Variants in KCNMB4 observed in about 807,000 individuals in gnomAD.
KCNMB4 encodes the protein potassium calcium-activated channel subfamily M regulatory beta subunit 4.
In KCNMB4, 3 loss-of-function variants were observed where a neutral mutation model predicts 20.7. That is an observed-to-expected ratio of 0.14 (90% confidence interval 0.07 to 0.37). KCNMB4 has a LOEUF of 0.37. Among genes scored for constraint, KCNMB4 ranks in the 10% least tolerant of loss-of-function variants. KCNMB4 has a pLI of 1.00. For missense variants in KCNMB4, 168 were observed against 265.9 expected (o/e 0.63, Z 2.56); for synonymous variants, 110 against 113.4 (o/e 0.97, Z 0.19).
intron 1 of KCNMB4, among the ~76,000 whole-genome samples, chr12:70,373,363 G>T (rs1472673264): frequency 1.3e-5 from 2 of 152,192 alleles, no homozygotes; most frequent in African/African-American, 2.4e-5. Context: ...ACAGAGGCAG[G>T]TCAGAGTGAT....
chr12:70,414,029 C>T (rs992970767), intron 2 of KCNMB4, among the ~76,000 whole-genome samples: 2 of 152,024 alleles, frequency 1.3e-5, no homozygotes, highest in South Asian at 2.1e-4. Context: ...GTCAAGAGTT[C>T]GAGACCAGCC....
chr12:70,375,560 G>C (rs902545504), intron 1 of KCNMB4, among the ~76,000 whole-genome samples: 1 of 152,028 alleles, frequency 6.6e-6, no homozygotes, highest in Non-Finnish European at 1.5e-5. Flanking sequence ...CCTTGCTTGA[G>C]CTGAGGAGGT....
At chr12:70,418,343 T>A (rs1390208394) in intron 2 of KCNMB4, among the ~76,000 whole-genome samples, 1 of 152,140 alleles carries the variant, frequency 6.6e-6, no homozygotes, top group Non-Finnish European at 1.5e-5. Context: ...GAGCGAGGGC[T>A]GAGAACATGA....
intron 2 of KCNMB4, among the ~76,000 whole-genome samples, chr12:70,421,876 T>TG (rs1869071819): frequency 7.1e-6 from 1 of 141,812 alleles, no homozygotes; most frequent in Non-Finnish European, 1.5e-5. Flanking sequence ...CCAGCATGCC[T>TG]GGCCTTTTTT....
intron 1 of KCNMB4, among the ~76,000 whole-genome samples, chr12:70,386,717 C>T (rs1397225412): frequency 6.6e-6 from 1 of 151,888 alleles, no homozygotes; most frequent in Admixed American, 6.6e-5. Flanking sequence ...TGTTCTCACA[C>T]ATGTGTGCAT....
chr12:70,418,981 C>A (rs1237539522), intron 2 of KCNMB4, among the ~76,000 whole-genome samples: 1 of 152,078 alleles, frequency 6.6e-6, no homozygotes, highest in Non-Finnish European at 1.5e-5. Flanking sequence ...AAATAAGGGG[C>A]CCCATTGTTT....
At chr12:70,372,651 A>G (rs1273847457) in intron 1 of KCNMB4, among the ~76,000 whole-genome samples, 1 of 152,214 alleles carries the variant, frequency 6.6e-6, no homozygotes, top group Admixed American at 6.5e-5. Flanking sequence ...AGGAGTGTGG[A>G]TGAAAATCAA....
intron 2 of KCNMB4, among the ~76,000 whole-genome samples, chr12:70,425,491 A>G (rs1224852099): frequency 6.6e-6 from 1 of 152,190 alleles, no homozygotes; most frequent in East Asian, 1.9e-4. Flanking sequence ...AAGGCTTTCT[A>G]GATTACATAT....
At chr12:70,388,239 TAG>T (rs1452714627) in intron 1 of KCNMB4, among the ~76,000 whole-genome samples, 1 of 152,238 alleles carries the variant, frequency 6.6e-6, no homozygotes, top group Non-Finnish European at 1.5e-5. Flanking sequence ...GATGGACACT[TAG>T]GTCACTTCCA....
chr12:70,425,600 A>G (rs966033849), intron 2 of KCNMB4, among the ~76,000 whole-genome samples: 1 of 152,226 alleles, frequency 6.6e-6, no homozygotes, highest in African/African-American at 2.4e-5. Context: ...ACATTTCTGT[A>G]GAAGACTTTC....
At chr12:70,404,848 A>G (rs1022789900) in intron 2 of KCNMB4, among the ~76,000 whole-genome samples, 15 of 152,242 alleles carry the variant, frequency 9.9e-5, no homozygotes, top group African/African-American at 3.4e-4. Context: ...GCAAGAGGTC[A>G]GAAGCAGTGC....
At chr12:70,387,076 G>A (rs551241821) in intron 1 of KCNMB4, among the ~76,000 whole-genome samples, 9 of 148,242 alleles carry the variant, frequency 6.1e-5, no homozygotes, top group South Asian at 4.3e-4. Flanking sequence ...GCATTTTTAC[G>A]TTGTGTGTCT....
At chr12:70,390,642 A>G (rs993348299) in intron 1 of KCNMB4, among the ~76,000 whole-genome samples, 3 of 152,166 alleles carry the variant, frequency 2.0e-5, no homozygotes, top group African/African-American at 7.2e-5. Context: ...TCCTGCTCTG[A>G]TTGCTACTGA....
chr12:70,406,256 A>G (rs1190837364), intron 2 of KCNMB4, among the ~76,000 whole-genome samples: 1 of 152,198 alleles, frequency 6.6e-6, no homozygotes, highest in African/African-American at 2.4e-5. Flanking sequence ...ACCAACAGTA[A>G]TGTATTGTAC....
chr12:70,428,863 G>A (rs1368538394), intron 2 of KCNMB4, among the ~76,000 whole-genome samples: 1 of 152,166 alleles, frequency 6.6e-6, no homozygotes, highest in Non-Finnish European at 1.5e-5. Flanking sequence ...CCAAAAAAAG[G>A]CAATTTCTGA....
intron 2 of KCNMB4, among the ~76,000 whole-genome samples, chr12:70,422,411 C>T (rs1362868783): frequency 5.3e-5 from 8 of 152,172 alleles, no homozygotes; most frequent in South Asian, 2.1e-4. Flanking sequence ...ATTGAAAGTC[C>T]TCCTCTCTGG....
At chr12:70,425,324 G>C (rs1869182582) in intron 2 of KCNMB4, among the ~76,000 whole-genome samples, 1 of 152,000 alleles carries the variant, frequency 6.6e-6, no homozygotes, top group African/African-American at 2.4e-5. Flanking sequence ...TGTAGTCCCA[G>C]CTACTCGGGA....
chr12:70,369,219 GTA>G (rs1883548330), intron 1 of KCNMB4, among the ~76,000 whole-genome samples: 1 of 152,162 alleles, frequency 6.6e-6, no homozygotes, highest in African/African-American at 2.4e-5. Context: ...TAATTATGTT[GTA>G]TCATTTATAG....
chr12:70,366,770 A>G lies in KCNMB4; in HGVS notation c.36A>G (p.Glu12=). Residue 12 remains glutamate, a synonymous_variant, in exon 1 of 3, where the codon GAA becomes GAG. Coordinates refer to ENST00000258111, the MANE Select transcript of KCNMB4 (RefSeq NM_014505.6). ...AKLRVAYEYT[E]AEDKSIRLGL... ...TCCGGGTGGCTTACGAGTACACGGA[A>G]GCCGAGGACAAGAGCATCCGGCTCG... 1 of 1,609,878 alleles carries G rather than the reference A, an allele frequency of 6.2e-7. No homozygotes were observed. Among genetic ancestry groups the G allele is most frequent in the Non-Finnish European group, 8.5e-7 (1 of 1,179,420 alleles).
Sources: allele counts gnomAD v4.1 joint callset (sites outside exome capture counted in the v4.1 genomes callset), GRCh38; gene constraint gnomAD v4.1.1; transcripts MANE v1.5; gene names NCBI Gene and HGNC (gene_info 2026-07-23, HGNC 2026-07-21).